Variants in FBN2 observed in about 807,000 individuals in gnomAD.
The protein encoded by FBN2 is fibrillin 2.
In FBN2, 105 loss-of-function variants were observed where a neutral mutation model predicts 355.6. The observed-to-expected ratio is 0.30, with a 90% confidence interval of 0.25 to 0.35. The LOEUF is 0.35. FBN2 is among the 10% of genes least tolerant of loss of function. FBN2 has a pLI of 1.00. For synonymous variants in FBN2, 1,350 were observed against 1,301.2 expected, an observed-to-expected ratio of 1.04 and a Z score of -0.81; for missense variants, 3,280 against 3,758.7, an observed-to-expected ratio of 0.87 and a Z score of 3.33.
intron 5 of FBN2, among the ~76,000 whole-genome samples, chr5:128,500,825 C>T (rs1433866356): frequency 2.0e-5 from 3 of 151,916 alleles, no homozygotes; most frequent in East Asian, 1.9e-4. Flanking sequence ...GACTAAAATC[C>T]CTACCTACCC....
At chr5:128,357,842 A>C (rs1241281760) in intron 19 of FBN2, among the ~76,000 whole-genome samples, 4 of 152,160 alleles carry the variant, frequency 2.6e-5, no homozygotes, top group Non-Finnish European at 5.9e-5. Context: ...CTTGGGTATG[A>C]ATCAGGAAAT....
At position 128,273,854 on chromosome 5, in the gene FBN2, C is replaced by G; in HGVS notation, c.7826G>C (p.Gly2609Ala). ...AATCAACTAACCTTCACAGTTCAGT[C>G]CGGTGGCATCAAGAGAGAACCCTCT... is the stretch of plus-strand genomic sequence containing the variant. ...CQRGFSLDAT[G>A]LNCEDVDECD... is the part of the protein sequence containing the mutation. Residue 2609 changes from glycine to alanine, a missense_variant, in exon 61 of 65, where the codon GGA becomes GCA. Gly to Ala is a moderately conservative substitution (Grantham distance 60, BLOSUM62 0). Around this residue, in one of 6 missense-constraint regions of FBN2, gnomAD observed 2,284 missense variants for 2,749.5 expected, o/e 0.83. Coordinates refer to ENST00000262464, the MANE Select transcript of FBN2 (RefSeq NM_001999.4). 2 of 1,613,866 alleles carry G rather than the reference C, an allele frequency of 1.2e-6. No individual in the cohort carries two copies. Among genetic ancestry groups the G allele is most frequent in the Non-Finnish European group, 1.7e-6 (2 of 1,179,894 alleles).
intron 16 of FBN2, among the ~76,000 whole-genome samples, chr5:128,368,850 T>C (rs901809871): frequency 1.3e-5 from 2 of 151,516 alleles, no homozygotes; most frequent in Non-Finnish European, 2.9e-5. Flanking sequence ...AAGATTTTTT[T>C]TTTTTTTTTA....
intron 5 of FBN2, among the ~76,000 whole-genome samples, chr5:128,466,127 T>C (rs6896423): frequency 6.6e-6 from 1 of 152,322 alleles, no homozygotes; most frequent in Non-Finnish European, 1.5e-5. Flanking sequence ...GTTGTTGCTG[T>C]TTTGAGAGAT....
rs534162698 is a variant in FBN2 at position 128,471,896 on chromosome 5, C to T, written c.629-6975G>A. 3.4e-4 allele frequency among the ~76,000 whole-genome samples: 52 copies of T among 152,174 alleles called. 1 individual carries two copies. Among genetic ancestry groups the T allele is most frequent in the Admixed American group, 1.8e-3 (27 of 15,290 alleles). On this transcript the variant is annotated intron_variant, in intron 5 of 64. Coordinates refer to ENST00000262464, the MANE Select transcript of FBN2 (RefSeq NM_001999.4). ...TGCACGACTGAAGTACCTAAGAAAGCACTTTAAAAAGATATCTGATGTATT... is the reference window on the plus strand; with the variant it reads ...TGCACGACTGAAGTACCTAAGAAAGTACTTTAAAAAGATATCTGATGTATT...
rs112428886 is a variant in FBN2, at chr5:128,408,712, C to T, written c.1040G>A (p.Arg347His). 5.9e-3 allele frequency: 9,518 copies of T among 1,613,982 alleles called. 36 individuals are homozygous for T. Among genetic ancestry groups the T allele is most frequent in the Non-Finnish European group, 7.0e-3 (8,310 of 1,179,928 alleles). ...TVGSYFCVCPRGYVTSTDGSR... is the reference protein window; with the variant it reads ...TVGSYFCVCPHGYVTSTDGSR... ...GCCATCTGTTGAGGTTACATATCCA[C>T]GTGGACAAACACAAAAATAGCTTCC... The change falls in exon 8 of 65, where the codon CGT becomes CAT. Residue 347 changes from arginine (R) to histidine (H), a missense_variant. By Grantham distance (29) the Arg-to-His change is conservative (BLOSUM62 0). This residue lies in a region of FBN2 where 343 missense variants were observed against 331.0 expected (regional missense o/e 1.04). Transcript: ENST00000262464.
At chr5:128,508,593 T>A (rs551908551) in intron 5 of FBN2, among the ~76,000 whole-genome samples, 16 of 152,172 alleles carry the variant, frequency 1.1e-4, no homozygotes, top group African/African-American at 2.4e-4. Context: ...TAATTTTTGT[T>A]CAGTCAATTG....
rs148824800 is a variant in FBN2, at chr5:128,428,314, G to C, written c.952+18167C>G. ...AAAAGCTCTAACAGCTCCCATCCTTGAGAATTCAAACTAAAGTCCAAAGTA... is the reference window on the plus strand; with the variant it reads ...AAAAGCTCTAACAGCTCCCATCCTTCAGAATTCAAACTAAAGTCCAAAGTA... On this transcript the variant is annotated intron_variant, in intron 7 of 64. Coordinates refer to ENST00000262464, the MANE Select transcript of FBN2 (RefSeq NM_001999.4). Among the ~76,000 whole-genome samples, 27 of 152,258 alleles carry C rather than the reference G, an allele frequency of 1.8e-4. No homozygotes were observed. The East Asian group carries it at 4.4e-3, about 25-fold the overall frequency.
intron 15 of FBN2, among the ~76,000 whole-genome samples, chr5:128,370,453 G>A (rs975886128): frequency 6.6e-6 from 1 of 152,048 alleles, no homozygotes; most frequent in African/African-American, 2.4e-5. Context: ...AATGAGATAC[G>A]TGTGTGCTTA....
intron 56 of FBN2, 103 bp downstream of exon 56, chr5:128,280,089 G>T (rs994917301): frequency 5.5e-6 from 5 of 914,846 alleles, no homozygotes; most frequent in Non-Finnish European, 8.9e-6. Context: ...GAGATTGGGG[G>T]ATTTGTTTAG....
intron 15 of FBN2, among the ~76,000 whole-genome samples, chr5:128,373,290 A>T (rs1354467445): frequency 6.6e-6 from 1 of 152,228 alleles, no homozygotes; most frequent in East Asian, 1.9e-4. Flanking sequence ...GCAAGTAAAT[A>T]TATTAAAGCA....
chr5:128,419,461 T>C (rs886910554), intron 7 of FBN2, among the ~76,000 whole-genome samples: 29 of 152,198 alleles, frequency 1.9e-4, no homozygotes, highest in Admixed American at 4.6e-4. Context: ...ATGCCCTCTA[T>C]AAAGTTGAGT....
intron 14 of FBN2, among the ~76,000 whole-genome samples, chr5:128,376,205 T>A (rs1255505823): frequency 6.6e-6 from 1 of 152,180 alleles, no homozygotes. Context: ...TAGAGCTTGG[T>A]CTTCAAAATG....
chr5:128,490,228 C>A (rs965823300), intron 5 of FBN2, among the ~76,000 whole-genome samples: 1 of 152,058 alleles, frequency 6.6e-6, no homozygotes, highest in Admixed American at 6.6e-5. Flanking sequence ...GAGCCATACC[C>A]AGATCAAGTA....
intron 5 of FBN2, among the ~76,000 whole-genome samples, chr5:128,470,342 T>C (rs1316070754): frequency 6.6e-6 from 1 of 151,808 alleles, no homozygotes; most frequent in Non-Finnish European, 1.5e-5. Context: ...TTGGAGAGAG[T>C]TAAGGAACTG....
At chr5:128,342,246 A>G (rs931719196) in intron 25 of FBN2, among the ~76,000 whole-genome samples, 1 of 152,108 alleles carries the variant, frequency 6.6e-6, no homozygotes, top group Non-Finnish European at 1.5e-5. Flanking sequence ...TGTAGAGGTT[A>G]GAGAAGAAAC....
At chr5:128,311,578 A>G (rs1217160436) in intron 38 of FBN2, among the ~76,000 whole-genome samples, 153 bp from the exon 39 acceptor site, 2 of 152,216 alleles carry the variant, frequency 1.3e-5, no homozygotes, top group East Asian at 3.8e-4. Context: ...CTGCTCAAAT[A>G]TCTTCTTGGC....
chr5:128,494,341 G>C (rs1377369022), intron 5 of FBN2, among the ~76,000 whole-genome samples: 1 of 152,180 alleles, frequency 6.6e-6, no homozygotes, highest in Admixed American at 6.5e-5. Flanking sequence ...TGGAGATTTT[G>C]ATGGTAGGCA....
At chr5:128,323,730 G>A (rs781106099) in intron 34 of FBN2, among the ~76,000 whole-genome samples, 14 of 152,252 alleles carry the variant, frequency 9.2e-5, no homozygotes, top group East Asian at 3.9e-4. Context: ...AATGTTCATC[G>A]GGGATATTGG....
Sources: gnomAD v4.1 joint callset for allele counts (sites outside exome capture counted in the v4.1 genomes callset) on GRCh38, gnomAD v4.1.1 for gene constraint, gnomAD v4.1.1 regional missense constraint, MANE v1.5 for transcripts, NCBI Gene and HGNC (gene_info 2026-07-23, HGNC 2026-07-21) for gene names.